ALDH4A1: variants seen among roughly 807,000 people sequenced by gnomAD.
The protein encoded by ALDH4A1 is delta-1-pyrroline-5-carboxylate dehydrogenase, mitochondrial.
Under a neutral mutation model 70.5 loss-of-function variants are expected in ALDH4A1, and 46 were observed. The observed-to-expected ratio is 0.65, with a 90% CI of 0.51 to 0.83. The LOEUF (loss-of-function observed/expected upper bound fraction) is 0.83. ALDH4A1 is among the 40% of genes least tolerant of loss of function. The probability of loss-of-function intolerance (pLI) is 0.00; values close to 1 mark genes in which losing one functional copy is unlikely to be tolerated. For missense variants in ALDH4A1, 749 were observed against 766.5 expected (o/e 0.98, Z 0.27); for synonymous variants, 323 against 324.3 (o/e 1.00, Z 0.04).
chr1:18,886,539 G>A (rs370481527), intron 3 of ALDH4A1, 28 bp from the exon 4 acceptor site: 16 of 1,612,728 alleles, frequency 9.9e-6, no homozygotes, highest in Non-Finnish European at 1.4e-5. Flanking sequence ...TGAGGTCCTT[G>A]CCCGGGAGGG....
rs1349080790 is a variant in ALDH4A1 at position 18,890,113 on chromosome 1, A to T, written c.63-8T>A. The T allele has an allele frequency of 6.8e-6, 11 of 1,607,788 alleles. No homozygotes were observed. The highest frequency in any genetic ancestry group is 6.8e-6 in the Non-Finnish European group (8 of 1,176,930). On this transcript the variant is annotated splice_region_variant and splice_polypyrimidine_tract_variant and intron_variant, in intron 1 of 14. Coordinates refer to ENST00000375341, the MANE Select transcript of ALDH4A1 (RefSeq NM_003748.4). The stretch of plus-strand genomic sequence containing the variant: ...GTGTGCTTCCACCGCAGGCTGGAAC[A>T]CAAGGGCAGGGGACAGAGGCAGAGA...
intron 6 of ALDH4A1, 24 bp from the exon 7 acceptor site, chr1:18,883,222 A>G (rs1935056584): frequency 6.2e-7 from 1 of 1,613,116 alleles, no homozygotes; most frequent in African/African-American, 1.3e-5. Context: ...CAGCGGTGAG[A>G]TCAGGCCCAT....
intron 13 of ALDH4A1, 58 bp downstream of exon 13, chr1:18,875,324 T>TGGGGAC: frequency 6.2e-7 from 1 of 1,612,894 alleles, no homozygotes; most frequent in Non-Finnish European, 8.5e-7. Context: ...GAGGTGGGGA[T>TGGGGAC]GGGGACACGG....
At chr1:18,900,076 T>C (rs1256875636) in intron 1 of ALDH4A1, among the ~76,000 whole-genome samples, 1 of 152,234 alleles carries the variant, frequency 6.6e-6, no homozygotes, top group Non-Finnish European at 1.5e-5. Flanking sequence ...GGTACCTCTG[T>C]GTGGTACAAT....
chr1:18,883,511 C>G (rs947329776), intron 5 of ALDH4A1, 83 bp from the exon 6 acceptor site: 39 of 1,588,434 alleles, frequency 2.5e-5, no homozygotes, highest in Non-Finnish European at 3.3e-5. Flanking sequence ...GTGCCCAAAG[C>G]GAGCACTGAG....
chr1:18,886,628 C>T, intron 3 of ALDH4A1, 117 bp from the exon 4 acceptor site: 2 of 1,100,790 alleles, frequency 1.8e-6, no homozygotes, highest in Non-Finnish European at 2.7e-6. Flanking sequence ...TGCTGTCCCC[C>T]CTCCCCCGCT....
intron 1 of ALDH4A1, among the ~76,000 whole-genome samples, chr1:18,892,870 T>C (rs1485464558): frequency 1.3e-5 from 2 of 152,178 alleles, no homozygotes; most frequent in Non-Finnish European, 2.9e-5. Flanking sequence ...CACGGCCCTC[T>C]TCCATCTACC....
At chr1:18,877,121 G>A in intron 11 of ALDH4A1, 87 bp downstream of exon 11, 27 of 1,516,336 alleles carry the variant, frequency 1.8e-5, no homozygotes, top group Non-Finnish European at 2.3e-5. Flanking sequence ...TCATGCCCTG[G>A]GTCAGGGTAC....
intron 1 of ALDH4A1, among the ~76,000 whole-genome samples, 173 bp downstream of exon 1, chr1:18,902,289 G>A (rs921749475): frequency 3.9e-5 from 6 of 152,190 alleles, no homozygotes; most frequent in South Asian, 2.1e-4. Context: ...GGATCTCAGT[G>A]GGAGAAAGGC....
chr1:18,901,769 G>A (rs1340390466), intron 1 of ALDH4A1, among the ~76,000 whole-genome samples: 1 of 152,070 alleles, frequency 6.6e-6, no homozygotes, highest in African/African-American at 2.4e-5. Flanking sequence ...CCTTTGTGCT[G>A]GGCACTGTTC....
chr1:18,885,455 G>GCCCCCCCCCCCCCCCCCC lies in ALDH4A1; in HGVS notation c.453+17_453+18insGGGGGGGGGGGGGGGGGG. The GCCCCCCCCCCCCCCCCCC allele has an allele frequency of 3.8e-5, 11 of 292,246 alleles. No individual in the cohort carries two copies. The highest frequency in any genetic ancestry group is 1.3e-4 in the South Asian group (3 of 23,248). 18.1% of individuals were successfully genotyped at this position (292,246 alleles called of 1,614,324 possible). A position where few individuals can be genotyped will look rare whatever the true frequency, so the allele number is the denominator to read the frequency against. On this transcript the variant is annotated intron_variant, in intron 5 of 14. Transcript: ENST00000375341. ...CACCCCACCCCGCCCCACCCACCCG[G>GCCCCCCCCCCCCCCCCCC]GCCCACCAGCACCTCACCTGTCCCA... is the stretch of plus-strand genomic sequence containing the variant.
Position 18,876,411 on chromosome 1 carries a change from G to A in ALDH4A1, c.1242C>T (p.Thr414=). ...LEHARSSPSL[T]ILAGGKCDDS... The stretch of plus-strand genomic sequence containing the variant: ...CATCACACTTGCCCCCGGCCAGGAT[G>A]GTGAGGCTGGGTGAGGAGCGTGCGT... Residue 414 remains threonine, a synonymous_variant, in exon 12 of 15, where the codon ACC becomes ACT. Coordinates refer to ENST00000375341, the MANE Select transcript of ALDH4A1 (RefSeq NM_003748.4). 6.2e-7 allele frequency: 1 copy of A among 1,612,524 alleles called. No homozygotes were observed.
rs1219852893 is a variant in ALDH4A1 at position 18,890,093 on chromosome 1, C to T, written c.75G>A (p.Lys25=). 3 of 1,612,106 alleles carry T rather than the reference C, an allele frequency of 1.9e-6. No homozygotes were observed. In the African/African-American group the frequency reaches 4.0e-5, roughly 21 times the overall value. ...TGGCCACCTTCAGGGAGGAGGTGTG[C>T]TTCCACCGCAGGCTGGAACACAAGG... The part of the protein sequence containing the change: ...RPWTGAGLRW[K]HTSSLKVANE... Residue 25 remains lysine (K), a synonymous_variant, in exon 2 of 15, where the codon AAG becomes AAA. Transcript: ENST00000375341.
Position 18,890,047 on chromosome 1 carries a change from T to C in ALDH4A1, c.121A>G (p.Thr41Ala). 2 of 1,612,896 alleles carry C rather than the reference T, an allele frequency of 1.2e-6. No homozygotes were observed. The highest frequency in any genetic ancestry group is 1.7e-6 in the Non-Finnish European group (2 of 1,179,652). The change falls in exon 2 of 15, where the codon ACG becomes GCG. Residue 41 changes from threonine (T) to alanine (A), a missense_variant. By Grantham distance (58) the Thr-to-Ala change is moderately conservative. Coordinates refer to ENST00000375341, the MANE Select transcript of ALDH4A1 (RefSeq NM_003748.4). ...KVANEPVLAF[T>A]QGSPERDALQ... is the part of the protein sequence containing the mutation. ...GCATCTCGCTCAGGGCTGCCCTGCG[T>C]GAAGGCTAAGACGGGCTCGTTGGCC...
intron 3 of ALDH4A1, among the ~76,000 whole-genome samples, chr1:18,887,163 G>A (rs564408866): frequency 7.9e-5 from 12 of 152,376 alleles, no homozygotes; most frequent in African/African-American, 2.9e-4. Context: ...ACAACCTGGT[G>A]TTGGTCCAAA....
At chr1:18,881,123 A>G (rs993939477) in intron 8 of ALDH4A1, among the ~76,000 whole-genome samples, 7 of 151,536 alleles carry the variant, frequency 4.6e-5, no homozygotes, top group African/African-American at 1.2e-4. Flanking sequence ...TGCCTCCCCT[A>G]CCTCAACTCA....
chr1:18,873,057 G>A lies in ALDH4A1; in HGVS notation c.1580-100C>T, dbSNP rs1435080631. ...GGAATCAACGGACCAGCAGTGTAGC[G>A]GCCAGCAGCGAGCCTGCTGCCAAGC... On this transcript the variant is annotated intron_variant, in intron 14 of 14. Transcript: ENST00000375341. 4.1e-5 allele frequency: 43 copies of A among 1,047,074 alleles called. 1 individual carries two copies. Among genetic ancestry groups the A allele is most frequent in the Middle Eastern group, 4.1e-4 (2 of 4,874 alleles). 64.9% of individuals were successfully genotyped at this position (1,047,074 alleles called of 1,614,324 possible).
intron 4 of ALDH4A1, 40 bp from the exon 5 acceptor site, chr1:18,885,668 CG>C (rs1178764660): frequency 6.2e-7 from 1 of 1,612,642 alleles, no homozygotes; most frequent in African/African-American, 1.3e-5. Context: ...CCACCTGCAG[CG>C]GGAAAGGCCC....
chr1:18,879,638 C>T (rs1414420379), intron 8 of ALDH4A1, among the ~76,000 whole-genome samples: 1 of 152,190 alleles, frequency 6.6e-6, no homozygotes, highest in African/African-American at 2.4e-5. Context: ...CTTAACCTCT[C>T]TGAGCCTCGA....
Sources: allele counts gnomAD v4.1 joint callset (sites outside exome capture counted in the v4.1 genomes callset), GRCh38; gene constraint gnomAD v4.1.1; transcripts MANE v1.5; gene names NCBI Gene and HGNC (gene_info 2026-07-23, HGNC 2026-07-21).